The following CTNNA3 variants were observed in gnomAD, a reference collection of about 807,000 sequenced individuals.
CTNNA3 encodes catenin alpha-3.
CTNNA3 carries 76 observed loss-of-function variants against 95.7 expected under a neutral mutation model. The observed-to-expected ratio is 0.79, with a 90% CI of 0.66 to 0.96. CTNNA3 has a LOEUF of 0.96. Among genes scored for constraint, CTNNA3 ranks in the 40% least tolerant of loss-of-function variants. The pLI, the probability that CTNNA3 is intolerant of heterozygous loss-of-function variation, is 0.00. For synonymous variants in CTNNA3, 431 were observed against 374.4 expected, an observed-to-expected ratio of 1.15 and a Z score of -1.74; for missense variants, 1,191 against 1,089.8, an observed-to-expected ratio of 1.09 and a Z score of -1.31.
intron 8 of CTNNA3, among the ~76,000 whole-genome samples, chr10:66,767,395 G>A (rs1337350213): frequency 4.7e-5 from 7 of 150,042 alleles, no homozygotes; most frequent in African/African-American, 1.7e-4. Flanking sequence ...GCAGTGAGCT[G>A]AGATCGCACC....
intron 3 of CTNNA3, among the ~76,000 whole-genome samples, chr10:67,544,869 T>A (rs1011751522): frequency 6.6e-6 from 1 of 152,154 alleles, no homozygotes; most frequent in African/African-American, 2.4e-5. Context: ...AATTCCCAAT[T>A]TCAAGACCAG....
At chr10:66,119,361 T>A (rs2133810341) in intron 13 of CTNNA3, among the ~76,000 whole-genome samples, 1 of 152,292 alleles carries the variant, frequency 6.6e-6, no homozygotes. Context: ...TTACAAAGTG[T>A]TCAGTTTGGT....
intron 5 of CTNNA3, among the ~76,000 whole-genome samples, chr10:67,314,738 T>C (rs1840968435): frequency 6.6e-6 from 1 of 152,230 alleles, no homozygotes. Flanking sequence ...CATTATGGCA[T>C]ATGGATAAAA....
chr10:66,681,797 A>C (rs1472470640), intron 9 of CTNNA3, among the ~76,000 whole-genome samples: 1 of 152,082 alleles, frequency 6.6e-6, no homozygotes, highest in Non-Finnish European at 1.5e-5. Flanking sequence ...TTTAACCTAA[A>C]ACTGATTTTT....
intron 11 of CTNNA3, among the ~76,000 whole-genome samples, chr10:66,440,913 A>G (rs2093370876): frequency 6.6e-6 from 1 of 152,228 alleles, no homozygotes; most frequent in South Asian, 2.1e-4. Flanking sequence ...ATGTTTTTGT[A>G]TAAATTCCAA....
At chr10:66,935,046 T>G (rs1214922568) in intron 7 of CTNNA3, among the ~76,000 whole-genome samples, 1 of 152,074 alleles carries the variant, frequency 6.6e-6, no homozygotes, top group Admixed American at 6.6e-5. Context: ...GTGGCCCTCA[T>G]GTAGCTAAAA....
At chr10:66,199,013 G>T (rs896779028) in intron 13 of CTNNA3, among the ~76,000 whole-genome samples, 1 of 152,126 alleles carries the variant, frequency 6.6e-6, no homozygotes, top group Non-Finnish European at 1.5e-5. Flanking sequence ...AATCAAATCT[G>T]CCTTTTATCC....
At chr10:67,748,920 C>T (rs770474188) in intron 1 of CTNNA3, among the ~76,000 whole-genome samples, 38 of 151,990 alleles carry the variant, frequency 2.5e-4, no homozygotes, top group Non-Finnish European at 3.8e-4. Context: ...CATGTCTTTG[C>T]ACATAATTTG....
intron 7 of CTNNA3, among the ~76,000 whole-genome samples, chr10:66,780,216 A>G (rs1021512290): frequency 1.3e-5 from 2 of 152,146 alleles, no homozygotes; most frequent in Admixed American, 1.3e-4. Context: ...GAAGTTAAGA[A>G]AATGAATGAT....
At chr10:66,423,495 A>G (rs1485007356) in intron 11 of CTNNA3, among the ~76,000 whole-genome samples, 1 of 152,178 alleles carries the variant, frequency 6.6e-6, no homozygotes, top group East Asian at 1.9e-4. Context: ...CATCAGCCTA[A>G]TGGCTAAGGT....
chr10:67,068,582 G>A (rs1477332078), intron 7 of CTNNA3, among the ~76,000 whole-genome samples: 1 of 152,154 alleles, frequency 6.6e-6, no homozygotes, highest in African/African-American at 2.4e-5. Context: ...ACTTTGGACA[G>A]TTCTTATATT....
chr10:66,200,051 A>G (rs1486160051), intron 13 of CTNNA3, among the ~76,000 whole-genome samples: 1 of 151,334 alleles, frequency 6.6e-6, no homozygotes, highest in Non-Finnish European at 1.5e-5. Context: ...ACACCTTTCT[A>G]CAAATTTTAA....
At chr10:66,764,978 T>C (rs186131327) in intron 9 of CTNNA3, among the ~76,000 whole-genome samples, 1 of 152,308 alleles carries the variant, frequency 6.6e-6, no homozygotes, top group Admixed American at 6.5e-5. Flanking sequence ...GTTTGGGTTT[T>C]ATATCTTTAT....
intron 5 of CTNNA3, among the ~76,000 whole-genome samples, chr10:67,318,799 C>T (rs1841177781): frequency 6.6e-6 from 1 of 152,244 alleles, no homozygotes; most frequent in Admixed American, 6.5e-5. Context: ...TCCAGCTTTA[C>T]TAGCCCTTGC....
intron 5 of CTNNA3, among the ~76,000 whole-genome samples, chr10:67,461,476 G>A (rs767251562): frequency 3.3e-5 from 5 of 152,002 alleles, no homozygotes; most frequent in Non-Finnish European, 7.4e-5. Flanking sequence ...AATTGTCAAT[G>A]TTCAATATAC....
intron 13 of CTNNA3, among the ~76,000 whole-genome samples, chr10:66,252,013 T>C (rs2090572939): frequency 6.6e-6 from 1 of 152,200 alleles, no homozygotes; most frequent in South Asian, 2.1e-4. Context: ...GATCAGTCTA[T>C]GAAATATGAA....
intron 7 of CTNNA3, among the ~76,000 whole-genome samples, chr10:66,850,218 CCT>C (rs1564722866): frequency 6.6e-6 from 1 of 151,790 alleles, no homozygotes; most frequent in Admixed American, 6.6e-5. Context: ...CTCCTGTTTC[CCT>C]GTTGTTTTAA....
intron 5 of CTNNA3, among the ~76,000 whole-genome samples, chr10:67,249,070 C>T (rs746822775): frequency 3.3e-4 from 50 of 152,018 alleles, no homozygotes; most frequent in Non-Finnish European, 7.1e-4. Context: ...AAAGCACAAA[C>T]AGCAAAAGAA....
chr10:66,683,298 C>T (rs910788993), intron 9 of CTNNA3, among the ~76,000 whole-genome samples: 2 of 152,022 alleles, frequency 1.3e-5, no homozygotes, highest in South Asian at 2.1e-4. Context: ...TATGAAAAAC[C>T]TTCTTATGAT....
Sources: allele counts gnomAD v4.1 joint callset (sites outside exome capture counted in the v4.1 genomes callset), GRCh38; gene constraint gnomAD v4.1.1; transcripts MANE v1.5; gene names NCBI Gene and HGNC (gene_info 2026-07-23, HGNC 2026-07-21).